DNAH9: variants seen among roughly 807,000 people sequenced by gnomAD.
DNAH9 encodes the protein dynein axonemal heavy chain 9, also known as DNAH9 variant protein.
A neutral mutation model predicts 471.6 loss-of-function variants in DNAH9; 345 were observed. The ratio of observed to expected loss-of-function variants is 0.73; its 90% CI spans 0.67 to 0.80. DNAH9 has a LOEUF of 0.80. DNAH9 is among the 30% of genes least tolerant of loss of function. The probability of loss-of-function intolerance (pLI) is 0.00; values close to 1 mark genes in which losing one functional copy is unlikely to be tolerated. For synonymous variants in DNAH9, 2,093 were observed against 2,123.6 expected (o/e 0.99, Z 0.40); for missense variants, 5,407 against 5,609.2 (o/e 0.96, Z 1.15).
At chr17:11,912,370 C>A (rs1455518748) in intron 61 of DNAH9, among the ~76,000 whole-genome samples, 1 of 152,180 alleles carries the variant, frequency 6.6e-6, no homozygotes, top group African/African-American at 2.4e-5. Context: ...CAAGTTCAGA[C>A]TTCCTTGTCT....
At chr17:11,821,865 T>C (rs1970319502) in intron 45 of DNAH9, 55 bp from the exon 46 acceptor site, 1 of 1,569,064 alleles carries the variant, frequency 6.4e-7, no homozygotes, top group African/African-American at 1.4e-5. Flanking sequence ...CCATGTCTGA[T>C]TGCATCATTT....
At chr17:11,936,424 G>A (rs1370500837) in intron 65 of DNAH9, among the ~76,000 whole-genome samples, 1 of 152,160 alleles carries the variant, frequency 6.6e-6, no homozygotes, top group African/African-American at 2.4e-5. Context: ...GAGCTGATGA[G>A]TTAGAGACCA....
chr17:11,852,884 AAGT>A (rs1452784040), intron 49 of DNAH9, among the ~76,000 whole-genome samples: 7 of 137,746 alleles, frequency 5.1e-5, no homozygotes, highest in Non-Finnish European at 9.4e-5. Flanking sequence ...ATATAAAAGA[AAGT>A]AGGATGTGTA....
chr17:11,837,857 C>T (rs999805958), intron 49 of DNAH9, among the ~76,000 whole-genome samples: 1 of 152,194 alleles, frequency 6.6e-6, no homozygotes, highest in African/African-American at 2.4e-5. Context: ...CTCAAATGTT[C>T]CAAGCACAGT....
intron 38 of DNAH9, among the ~76,000 whole-genome samples, chr17:11,779,032 C>A (rs554556670): frequency 6.6e-6 from 1 of 151,964 alleles, no homozygotes; most frequent in Non-Finnish European, 1.5e-5. Flanking sequence ...AATTAAATTG[C>A]CCTTCAAGTA....
Position 11,822,081 on chromosome 17 carries a change from CAG to C in DNAH9, c.8850+20_8850+21del, listed in dbSNP as rs1567826073. The C allele has an allele frequency of 1.1e-5, 17 of 1,601,088 alleles. No homozygotes were observed. The highest frequency in any genetic ancestry group is 1.2e-5 in the Non-Finnish European group (14 of 1,175,404). On this transcript the variant is annotated intron_variant, in intron 46 of 68. Transcript: ENST00000262442. The stretch of plus-strand genomic sequence containing the variant: ...GCTGAAGGTAAAGAGCATTTACTGA[CAG>C]GGGCAGGCAGAGACCCGAGATGATT...
intron 50 of DNAH9, among the ~76,000 whole-genome samples, chr17:11,860,802 C>T (rs1196999491): frequency 2.6e-5 from 4 of 152,150 alleles, no homozygotes. Context: ...CTCAGGTGAT[C>T]TGCCCGCCTC....
At chr17:11,817,350 T>C (rs987919117) in intron 45 of DNAH9, among the ~76,000 whole-genome samples, 2 of 152,238 alleles carry the variant, frequency 1.3e-5, no homozygotes, top group Admixed American at 6.5e-5. Flanking sequence ...TTGGATATTG[T>C]GACAAATACC....
At chr17:11,752,711 C>A in intron 32 of DNAH9, 122 bp from the exon 33 acceptor site, 1 of 627,174 alleles carries the variant, frequency 1.6e-6, no homozygotes, top group South Asian at 3.8e-5. Context: ...CAGGTCTGAT[C>A]TGCCTTTGCA....
chr17:11,762,770 G>GTTTTTTTTTTTTT lies in DNAH9; in HGVS notation c.6996-655_6996-643dup, dbSNP rs563544881. 8.9e-4 allele frequency among the ~76,000 whole-genome samples: 81 copies of GTTTTTTTTTTTTT among 90,768 alleles called. 5 individuals are homozygous for GTTTTTTTTTTTTT. The highest frequency in any genetic ancestry group is 1.9e-3 in the African/African-American group (46 of 24,318). The allele number at this position is 90,768 out of a possible 152,430, so 59.5% of individuals were successfully genotyped here. On this transcript the variant is annotated intron_variant, in intron 35 of 68. Coordinates refer to ENST00000262442, the MANE Select transcript of DNAH9 (RefSeq NM_001372.4). Reference sequence around the variant, plus strand: ...CCTCTTTAGGTGCGTTTTTTTTTTTGTTTTTTTTTTTTTTTTTTTTTTTTT... The same window carrying GTTTTTTTTTTTTT: ...CCTCTTTAGGTGCGTTTTTTTTTTTGTTTTTTTTTTTTTTTTTTTTTTTTTTTTTTTTTTTTTT...
Position 11,884,618 on chromosome 17 carries a change from C to T in DNAH9, c.10971+868C>T, listed in dbSNP as rs897196686. On this transcript the variant is annotated intron_variant, in intron 56 of 68. Coordinates refer to ENST00000262442, the MANE Select transcript of DNAH9 (RefSeq NM_001372.4). ...ATATGAAAAGCAATGATGGGTAAGA[C>T]AGATAAACCAGGTCATACCCACTCT... is the stretch of plus-strand genomic sequence containing the variant. 3.1e-5 allele frequency: 14 copies of T among 455,128 alleles called. No homozygotes were observed. In the Middle Eastern group the frequency reaches 1.3e-3, roughly 42 times the overall value. The allele number at this position is 455,128 out of a possible 1,614,324, so 28.2% of individuals were successfully genotyped here. A position where few individuals can be genotyped will look rare whatever the true frequency, so the allele number is the denominator to read the frequency against.
intron 19 of DNAH9, among the ~76,000 whole-genome samples, chr17:11,684,875 G>A (rs62060833): frequency 0.027 from 4,111 of 152,300 alleles, 100 homozygotes; most frequent in Non-Finnish European, 0.042. Flanking sequence ...CATAACTGCA[G>A]AAAAGGGCAA....
At chr17:11,912,104 G>C (rs1243942966) in intron 61 of DNAH9, among the ~76,000 whole-genome samples, 1 of 152,036 alleles carries the variant, frequency 6.6e-6, no homozygotes, top group Non-Finnish European at 1.5e-5. Flanking sequence ...TGCAACCTCT[G>C]CCTCCCAGGT....
chr17:11,719,532 A>G (rs2075019597), intron 27 of DNAH9, 42 bp downstream of exon 27: 6 of 1,566,242 alleles, frequency 3.8e-6, no homozygotes, highest in Non-Finnish European at 5.2e-6. Flanking sequence ...GGTGGGGGAT[A>G]GGAACTCAGG....
chr17:11,668,405 G>T (rs2073911876), intron 15 of DNAH9, among the ~76,000 whole-genome samples: 2 of 152,128 alleles, frequency 1.3e-5, no homozygotes, highest in Non-Finnish European at 2.9e-5. Flanking sequence ...GGTGGCTCAT[G>T]CCTGTAATCT....
intron 43 of DNAH9, 92 bp downstream of exon 43, chr17:11,797,885 GCCAGGTAA>G: frequency 4.5e-6 from 6 of 1,321,318 alleles, no homozygotes; most frequent in Non-Finnish European, 6.2e-6. Context: ...CTTCCGTAAA[GCCAGGTAA>G]GGAGCTCCGG....
chr17:11,598,559 G>GCCGA lies in DNAH9; in HGVS notation c.67_70dup (p.Arg24ProfsTer29). 3 of 1,407,596 alleles carry GCCGA rather than the reference G, an allele frequency of 2.1e-6. No homozygotes were observed. The highest frequency in any genetic ancestry group is 1.8e-6 in the Non-Finnish European group (2 of 1,088,780). 87.2% of individuals were successfully genotyped at this position (1,407,596 alleles called of 1,614,324 possible). A position where few individuals can be genotyped will look rare whatever the true frequency, so the allele number is the denominator to read the frequency against. On this transcript the variant is annotated frameshift_variant, in exon 1 of 69. Transcript: ENST00000262442. LOFTEE classifies it high-confidence loss of function. Reference sequence around the variant, plus strand: ...GGAGAACGCGGATGGGGAACCCGGCGCCGACCGACGACTGCGACTCCTGGG... The same window carrying GCCGA: ...GGAGAACGCGGATGGGGAACCCGGCGCCGACCGACCGACGACTGCGACTCCTGGG...
intron 44 of DNAH9, among the ~76,000 whole-genome samples, chr17:11,809,522 G>GTGCC (rs1012382968): frequency 3.9e-5 from 6 of 152,020 alleles, no homozygotes; most frequent in African/African-American, 1.4e-4. Flanking sequence ...AGCCGAGATG[G>GTGCC]TGCCACTGCA....
intron 26 of DNAH9, among the ~76,000 whole-genome samples, chr17:11,709,734 A>G (rs1315386488): frequency 6.6e-6 from 1 of 152,208 alleles, no homozygotes; most frequent in Admixed American, 6.5e-5. Context: ...AGCAATTCTC[A>G]TAAGTCGTTT....
Sources: gnomAD v4.1 joint callset for allele counts (sites outside exome capture counted in the v4.1 genomes callset) on GRCh38, gnomAD v4.1.1 for gene constraint, MANE v1.5 for transcripts, NCBI Gene and HGNC (gene_info 2026-07-23, HGNC 2026-07-21) for gene names.